Variants in ARHGEF1 observed in about 807,000 individuals in gnomAD.
The protein encoded by ARHGEF1 is Rho guanine nucleotide exchange factor 1, also known as 115 kDa guanine nucleotide exchange factor.
Under a neutral mutation model 119.7 loss-of-function variants are expected in ARHGEF1, and 40 were observed. That is an observed-to-expected ratio of 0.33 (90% CI 0.26 to 0.44). The LOEUF (loss-of-function observed/expected upper bound fraction) is 0.44. ARHGEF1 is among the 20% of genes least tolerant of loss of function. The pLI is 1.00. For missense variants in ARHGEF1, 976 were observed against 1,268.3 expected, an observed-to-expected ratio of 0.77 and a Z score of 3.50; for synonymous variants, 494 against 521.0, an observed-to-expected ratio of 0.95 and a Z score of 0.71.
In ARHGEF1 at chr19:41,888,814, C is replaced by T. The variant is rs371961260; in HGVS notation, c.174C>T (p.His58=). 1.9e-6 allele frequency: 3 copies of T among 1,614,260 alleles called. No homozygotes were observed. The highest frequency in any genetic ancestry group is 1.6e-4 in the Middle Eastern group (1 of 6,062). The part of the protein sequence containing the change: ...SLEQVKRRPA[H]LMALLQHVAL... ...AGCAGGTGAAGCGGCGCCCAGCCCA[C>T]CTCATGGCCCTCCTGCAGCACGTGG... The change falls in exon 4 of 29, where the codon CAC becomes CAT. Residue 58 remains histidine (H), a synonymous_variant. Transcript: ENST00000354532. This position sits in a 1 kb window ranked among gnomAD's most constrained non-coding sequence, Gnocchi z 5.1.
Position 41,892,967 on chromosome 19 carries a change from T to C in ARHGEF1, c.614+118T>C, listed in dbSNP as rs1386287051. ...CCTCTTCAGGGTCAGAGTTCATTTC[T>C]TGGCACTGGGGGTCTTCCTCTACCC... On this transcript the variant is annotated intron_variant, in intron 7 of 28. Coordinates refer to ENST00000354532, the MANE Select transcript of ARHGEF1 (RefSeq NM_004706.4). This position sits in a 1 kb window ranked among gnomAD's most constrained non-coding sequence, Gnocchi z 6.3. The C allele has an allele frequency of 6.5e-6, 9 of 1,376,656 alleles. No individual in the cohort carries two copies. Among genetic ancestry groups the C allele is most frequent in the South Asian group, 1.6e-5 (1 of 64,504 alleles). 85.3% of individuals were successfully genotyped at this position (1,376,656 alleles called of 1,614,324 possible). A position where few individuals can be genotyped will look rare whatever the true frequency, so the allele number is the denominator to read the frequency against.
chr19:41,922,819 G>A (rs1395762853), upstream of ARHGEF1, among the ~76,000 whole-genome samples: 1 of 152,216 alleles, frequency 6.6e-6, no homozygotes, highest in Non-Finnish European at 1.5e-5. Context: ...ATAAATTATT[G>A]TGACAAGATG....
chr19:41,897,812 A>T, intron 13 of ARHGEF1: 1 of 929,310 alleles, frequency 1.1e-6, no homozygotes, highest in Non-Finnish European at 1.4e-6. Context: ...GCCTCTCCCC[A>T]CCTCTGTCCC....
rs2074521409 is a variant in ARHGEF1 at position 41,897,312 on chromosome 19, C to T, written c.1121+830C>T. 2.4e-6 allele frequency: 3 copies of T among 1,275,344 alleles called. No individual in the cohort carries two copies. In the South Asian group the frequency reaches 3.7e-5, roughly 16 times the overall value. The allele number at this position is 1,275,344 out of a possible 1,614,324, so 79.0% of individuals were successfully genotyped here. ...CTCTGACCCTGTGCCCCTCTCTCCC[C>T]AGAAGGTGGAAGAGGTGGGTGCCTG... On this transcript the variant is annotated intron_variant, in intron 13 of 28. Transcript: ENST00000354532.
intron 2 of ARHGEF1, chr19:41,929,022 A>G (rs1555853618): frequency 2.5e-6 from 1 of 406,260 alleles, no homozygotes; most frequent in East Asian, 7.5e-5. Flanking sequence ...GGGACACACA[A>G]CCCTACAGAG....
In ARHGEF1 at chr19:41,906,074, T is replaced by A; in HGVS notation, c.2491+49T>A. ...GGTGGCCACCAGCCCAAACAGTGCC[T>A]CTGTTCCAACTAGAACAAGGCTCTC... On this transcript the variant is annotated intron_variant, in intron 26 of 28. Transcript: ENST00000354532. The surrounding 1 kb of genome is among the most constrained non-coding windows in gnomAD (Gnocchi z 4.5). 1 of 1,542,162 alleles carries A rather than the reference T, an allele frequency of 6.5e-7. No individual in the cohort carries two copies. Among genetic ancestry groups the A allele is most frequent in the Non-Finnish European group, 8.9e-7 (1 of 1,117,746 alleles).
chr19:41,929,499 GCCGGAC>G, intron 2 of ARHGEF1, among the ~76,000 whole-genome samples: 1 of 152,128 alleles, frequency 6.6e-6, no homozygotes, highest in Non-Finnish European at 1.5e-5. Context: ...CTCCCGGCCG[GCCGGAC>G]CTCCTGGCCC....
In ARHGEF1 at chr19:41,904,658, T is replaced by C. The variant is rs1555849742; in HGVS notation, c.2161+275T>C. ...GAGGAGGGATTTGTAAACATACTACTAGGAAGTTGCACCAGGGCCACAAAC... is the reference window on the plus strand; with the variant it reads ...GAGGAGGGATTTGTAAACATACTACCAGGAAGTTGCACCAGGGCCACAAAC... On this transcript the variant is annotated intron_variant, in intron 22 of 28. Coordinates refer to ENST00000354532, the MANE Select transcript of ARHGEF1 (RefSeq NM_004706.4). This position sits in a 1 kb window ranked among gnomAD's most constrained non-coding sequence, Gnocchi z 8.4. Among the ~76,000 whole-genome samples the C allele has an allele frequency of 6.6e-6, 1 of 151,984 alleles. No homozygotes were observed. Among genetic ancestry groups the C allele is most frequent in the South Asian group, 2.1e-4 (1 of 4,824 alleles).
At chr19:41,898,121 A>G (rs1555848294) in intron 13 of ARHGEF1, 26 of 1,385,458 alleles carry the variant, frequency 1.9e-5, no homozygotes, top group South Asian at 1.2e-4. Flanking sequence ...CACGTATGTC[A>G]ACCCTCTCCC....
At position 41,894,129 on chromosome 19, in the gene ARHGEF1, T is replaced by TGA. The variant is rs1199038320; in HGVS notation, c.645-77_645-76insAG. ...TCTAGGGGGAGAGAGAGAGAGTGTG[T>TGA]GTGTGAGTGTGTGTGTGTGTGTGTG... On this transcript the variant is annotated intron_variant, in intron 8 of 28. Transcript: ENST00000354532. 1.6e-5 allele frequency: 12 copies of TGA among 733,172 alleles called. No homozygotes were observed. In the African/African-American group the frequency reaches 1.7e-4, roughly 10 times the overall value. The allele number at this position is 733,172 out of a possible 1,614,324, so 45.4% of individuals were successfully genotyped here. A position where few individuals can be genotyped will look rare whatever the true frequency, so the allele number is the denominator to read the frequency against.
chr19:41,913,649 C>T (rs2074767940), intron 18 of ARHGEF1, among the ~76,000 whole-genome samples: 1 of 151,704 alleles, frequency 6.6e-6, no homozygotes, highest in South Asian at 2.1e-4. Flanking sequence ...TGCCTCCCTC[C>T]TCAGACACCC....
At chr19:41,927,219 C>T (rs1167110731) in intron 1 of ARHGEF1, among the ~76,000 whole-genome samples, 1 of 152,082 alleles carries the variant, frequency 6.6e-6, no homozygotes, top group African/African-American at 2.4e-5. Flanking sequence ...AGAAGTGGCC[C>T]AGCAGGGCCC....
At position 41,891,943 on chromosome 19, in the gene ARHGEF1, G is replaced by T. The variant is rs1419760458; in HGVS notation, c.226-82G>T. 5 of 1,218,922 alleles carry T rather than the reference G, an allele frequency of 4.1e-6. No homozygotes were observed. The East Asian group carries it at 1.2e-4, about 30-fold the overall frequency. The allele number at this position is 1,218,922 out of a possible 1,614,324, so 75.5% of individuals were successfully genotyped here. A position where few individuals can be genotyped will look rare whatever the true frequency, so the allele number is the denominator to read the frequency against. ...CCCACAGCCATAGGATGGCCAGGAG[G>T]TGAGGAAGGCCCTTTTCAAAGGGAG... On this transcript the variant is annotated intron_variant, in intron 4 of 28. Coordinates refer to ENST00000354532, the MANE Select transcript of ARHGEF1 (RefSeq NM_004706.4).
chr19:41,894,959 TG>T (rs11295427), intron 11 of ARHGEF1, among the ~76,000 whole-genome samples: 21 of 93,610 alleles, frequency 2.2e-4, no homozygotes, highest in African/African-American at 8.3e-4. Context: ...GAGGGAGGCC[TG>T]GGGCCTGGAC....
chr19:41,925,689 C>T (rs1200177408), intron 1 of ARHGEF1, among the ~76,000 whole-genome samples: 12 of 152,058 alleles, frequency 7.9e-5, no homozygotes, highest in South Asian at 6.2e-4. Flanking sequence ...ATGAGTAACC[C>T]GAAATGACAA....
chr19:41,913,948 A>AC (rs1315899687), intron 18 of ARHGEF1, among the ~76,000 whole-genome samples: 2 of 136,908 alleles, frequency 1.5e-5, no homozygotes, highest in Admixed American at 1.5e-4. Flanking sequence ...CTTCCTGGAG[A>AC]CCCCCCAGAC....
intron 18 of ARHGEF1, among the ~76,000 whole-genome samples, chr19:41,913,728 C>T (rs953213275): frequency 1.8e-4 from 27 of 150,556 alleles, no homozygotes; most frequent in Admixed American, 1.5e-3. Flanking sequence ...AGATATCTTA[C>T]GCCCCTAAGA....
chr19:41,903,966 C>T lies in ARHGEF1; in HGVS notation c.1918-69C>T. On this transcript the variant is annotated intron_variant, in intron 20 of 28. Transcript: ENST00000354532. This position sits in a 1 kb window ranked among gnomAD's most constrained non-coding sequence, Gnocchi z 4.2. ...GGTCATCCCCGGCCACTGCCCTGCC[C>T]TTCCCCTCCCCACCAACCCCAATCA... 3 of 1,504,448 alleles carry T rather than the reference C, an allele frequency of 2.0e-6. No homozygotes were observed. Among genetic ancestry groups the T allele is most frequent in the Non-Finnish European group, 1.8e-6 (2 of 1,084,306 alleles). The allele number at this position is 1,504,448 out of a possible 1,614,324, so 93.2% of individuals were successfully genotyped here. A position where few individuals can be genotyped will look rare whatever the true frequency, so the allele number is the denominator to read the frequency against.
chr19:41,926,689 C>T (rs1370600529), intron 1 of ARHGEF1, among the ~76,000 whole-genome samples: 7 of 151,094 alleles, frequency 4.6e-5, no homozygotes, highest in Non-Finnish European at 8.9e-5. Flanking sequence ...ATGCGGAGCG[C>T]GTCTGGGCCG....
Sources: gnomAD v4.1 joint callset for allele counts (sites outside exome capture counted in the v4.1 genomes callset) on GRCh38, gnomAD v4.1.1 for gene constraint, Gnocchi (gnomAD v3.1) non-coding constraint, MANE v1.5 for transcripts, NCBI Gene and HGNC (gene_info 2026-07-23, HGNC 2026-07-21) for gene names.